CTNNA3: variants seen among roughly 807,000 people sequenced by gnomAD.
The protein encoded by CTNNA3 is catenin alpha 3, also known as catenin alpha-3.
Under a neutral mutation model 95.7 loss-of-function variants are expected in CTNNA3, and 76 were observed. The observed-to-expected ratio is 0.79, with a 90% CI of 0.66 to 0.96. The LOEUF (loss-of-function observed/expected upper bound fraction) is 0.96, where lower values mean the gene tolerates loss of function less well. Ranked by LOEUF, CTNNA3 falls within the 40% of genes least tolerant of loss-of-function variation. The pLI, the probability that CTNNA3 is intolerant of heterozygous loss-of-function variation, is 0.00. For missense variants in CTNNA3, 1,191 were observed against 1,089.8 expected, an observed-to-expected ratio of 1.09 and a Z score of -1.31; for synonymous variants, 431 against 374.4, an observed-to-expected ratio of 1.15 and a Z score of -1.74.
intron 3 of CTNNA3, among the ~76,000 whole-genome samples, chr10:67,555,064 T>C (rs1282472963): frequency 6.6e-6 from 1 of 152,028 alleles, no homozygotes; most frequent in Non-Finnish European, 1.5e-5. Flanking sequence ...CAGAATATTG[T>C]ACATGTGCGG....
chr10:66,164,101 T>G (rs2084997893), intron 13 of CTNNA3, among the ~76,000 whole-genome samples: 2 of 152,194 alleles, frequency 1.3e-5, no homozygotes, highest in South Asian at 4.1e-4. Flanking sequence ...ATAGCTCAGA[T>G]GCTTACTATT....
At chr10:67,715,020 A>G (rs1453931514) in intron 1 of CTNNA3, among the ~76,000 whole-genome samples, 1 of 152,194 alleles carries the variant, frequency 6.6e-6, no homozygotes, top group Non-Finnish European at 1.5e-5. Flanking sequence ...CTTGATCAGC[A>G]GCATGAAAGC....
At chr10:65,975,483 C>G (rs1424203048) in intron 16 of CTNNA3, among the ~76,000 whole-genome samples, 1 of 152,042 alleles carries the variant, frequency 6.6e-6, no homozygotes, top group African/African-American at 2.4e-5. Flanking sequence ...CTATGTGCCA[C>G]ATGCTATGGA....
At position 67,671,987 on chromosome 10, in the gene CTNNA3, T is replaced by G. The variant is rs942932054; in HGVS notation, c.-6+24013A>C. On this transcript the variant is annotated intron_variant, in intron 1 of 17. Transcript: ENST00000433211. ...TTACAGTCCCACCAACAGTGTAAAA[T>G]TGTTCCTATTTCTCCACATCCTCTC... Among the ~76,000 whole-genome samples the G allele has an allele frequency of 5.4e-3, 825 of 152,024 alleles. 8 individuals are homozygous for G. The highest frequency in any genetic ancestry group is 0.017 in the African/African-American group (723 of 41,438).
rs116763549 is a variant in CTNNA3 at position 66,639,221 on chromosome 10, T to C, written c.1282-17437A>G. On this transcript the variant is annotated intron_variant, in intron 9 of 17. Coordinates refer to ENST00000433211, the MANE Select transcript of CTNNA3 (RefSeq NM_013266.4). ...GAACCATAGAAAAAGAAATCAATTA[T>C]AATTGCTTCTCCAGTTAAATATTAT... is the stretch of plus-strand genomic sequence containing the variant. Among the ~76,000 whole-genome samples the C allele has an allele frequency of 5.7e-3, 869 of 152,240 alleles. 8 individuals carry two copies. Among genetic ancestry groups the C allele is most frequent in the Non-Finnish European group, 9.7e-3 (661 of 68,012 alleles).
chr10:66,190,538 C>A (rs1360057966), intron 13 of CTNNA3, among the ~76,000 whole-genome samples: 1 of 152,118 alleles, frequency 6.6e-6, no homozygotes, highest in Admixed American at 6.6e-5. Context: ...TCCTCACAAA[C>A]CACTACTCAG....
chr10:66,875,195 A>C, intron 7 of CTNNA3, among the ~76,000 whole-genome samples: 1 of 152,132 alleles, frequency 6.6e-6, no homozygotes, highest in Admixed American at 6.6e-5. Context: ...ATGTGGGAGA[A>C]GTTTCGTGTG....
intron 14 of CTNNA3, among the ~76,000 whole-genome samples, chr10:66,096,384 T>C (rs1189035061): frequency 6.6e-6 from 1 of 152,168 alleles, no homozygotes; most frequent in Non-Finnish European, 1.5e-5. Flanking sequence ...TAATTATAAA[T>C]GACTACTTGC....
At chr10:67,237,134 A>ATATATATATATATATATATATATG (rs1865513783) in intron 5 of CTNNA3, among the ~76,000 whole-genome samples, 1 of 45,426 alleles carries the variant, frequency 2.2e-5, no homozygotes, top group African/African-American at 1.9e-4. Flanking sequence ...ATGTATATAT[A>ATATATATATATATATATATATATG]TATATATATA....
intron 7 of CTNNA3, among the ~76,000 whole-genome samples, chr10:66,923,548 T>C (rs1846900447): frequency 6.6e-6 from 1 of 152,188 alleles, no homozygotes; most frequent in South Asian, 2.1e-4. Flanking sequence ...ATTTGGGATA[T>C]TAAATGATAA....
intron 5 of CTNNA3, among the ~76,000 whole-genome samples, chr10:67,392,014 A>G (rs1410463993): frequency 6.6e-6 from 1 of 152,054 alleles, no homozygotes; most frequent in South Asian, 2.1e-4. Context: ...TCATGTCTAA[A>G]ACACCAAAAG....
intron 7 of CTNNA3, among the ~76,000 whole-genome samples, chr10:67,061,696 G>A (rs998896992): frequency 6.6e-6 from 1 of 152,174 alleles, no homozygotes; most frequent in African/African-American, 2.4e-5. Flanking sequence ...TGATGAAAGA[G>A]AAACGATATT....
chr10:67,666,174 T>C (rs1386442506), intron 1 of CTNNA3, among the ~76,000 whole-genome samples: 1 of 152,214 alleles, frequency 6.6e-6, no homozygotes, highest in Non-Finnish European at 1.5e-5. Context: ...ATTGATCCCG[T>C]TACCCAGGTA....
chr10:67,763,127 T>C (rs1395702377), intron 1 of CTNNA3, among the ~76,000 whole-genome samples: 4 of 152,186 alleles, frequency 2.6e-5, no homozygotes, highest in Non-Finnish European at 5.9e-5. Flanking sequence ...AACAAAAATG[T>C]AGTTCTTGGA....
At chr10:66,934,331 T>C (rs923761861) in intron 7 of CTNNA3, among the ~76,000 whole-genome samples, 1 of 152,160 alleles carries the variant, frequency 6.6e-6, no homozygotes, top group African/African-American at 2.4e-5. Flanking sequence ...TTTCTCTCAC[T>C]CTTAAATTGT....
chr10:67,212,269 T>C lies in CTNNA3; in HGVS notation c.843+7338A>G, dbSNP rs186226913. 7.9e-5 allele frequency among the ~76,000 whole-genome samples: 12 copies of C among 152,144 alleles called. No individual in the cohort carries two copies. The East Asian group carries it at 2.3e-3, about 29-fold the overall frequency. On this transcript the variant is annotated intron_variant, in intron 6 of 17. Coordinates refer to ENST00000433211, the MANE Select transcript of CTNNA3 (RefSeq NM_013266.4). ...GTAGCTTTAAAGCTCCTGATGTGTG[T>C]ATGCAACCTCTTTCTCCCCACTCCT...
intron 16 of CTNNA3, among the ~76,000 whole-genome samples, chr10:65,970,050 T>C (rs749433099): frequency 2.0e-5 from 3 of 151,846 alleles, no homozygotes; most frequent in Non-Finnish European, 4.4e-5. Context: ...ACAAAGGAAA[T>C]CCCAAAAGGT....
At chr10:66,624,891 G>A (rs1054817888) in intron 9 of CTNNA3, among the ~76,000 whole-genome samples, 2 of 152,088 alleles carry the variant, frequency 1.3e-5, no homozygotes. Flanking sequence ...TTCTGGCATT[G>A]AAATGATTGA....
chr10:67,185,518 A>C (rs1244049999), intron 6 of CTNNA3, among the ~76,000 whole-genome samples: 1 of 152,158 alleles, frequency 6.6e-6, no homozygotes, highest in African/African-American at 2.4e-5. Context: ...AAGGAAATTA[A>C]CTTTACAAAA....
Sources: allele counts gnomAD v4.1 joint callset (sites outside exome capture counted in the v4.1 genomes callset), GRCh38; gene constraint gnomAD v4.1.1; transcripts MANE v1.5; gene names NCBI Gene and HGNC (gene_info 2026-07-23, HGNC 2026-07-21).